NSF: variants seen among roughly 807,000 people sequenced by gnomAD.
NSF encodes the protein N-ethylmaleimide sensitive factor, vesicle fusing ATPase, also known as vesicle-fusing ATPase.
Under a neutral mutation model 50.3 loss-of-function variants are expected in NSF, and 14 were observed. That is an observed-to-expected ratio of 0.28 (90% confidence interval 0.18 to 0.44). The LOEUF is 0.44. NSF is among the 20% of genes least tolerant of loss of function. NSF has a pLI of 1.00. For missense variants in NSF, 218 were observed against 504.3 expected, an observed-to-expected ratio of 0.43 and a Z score of 5.44; for synonymous variants, 109 against 175.7, an observed-to-expected ratio of 0.62 and a Z score of 3.00.
chr17:46,673,910 G>GGTGT lies in NSF; in HGVS notation c.746-463_746-460dup, dbSNP rs61565754. Among the ~76,000 whole-genome samples the GGTGT allele has an allele frequency of 5.7e-4, 4 of 6,984 alleles. 1 individual carries two copies. Among genetic ancestry groups the GGTGT allele is most frequent in the African/African-American group, 1.0e-3 (4 of 3,846 alleles). 4.6% of individuals were successfully genotyped at this position (6,984 alleles called of 152,430 possible). A position where few individuals can be genotyped will look rare whatever the true frequency, so the allele number is the denominator to read the frequency against. On this transcript the variant is annotated intron_variant, in intron 8 of 20. Coordinates refer to ENST00000398238, the MANE Select transcript of NSF (RefSeq NM_006178.4). Reference sequence around the variant, plus strand: ...TTATGGCTGAATAGTATTCCATGGGGGTGTGTGTGTGTGTGTGTGTGTGTG... The same window carrying GGTGT: ...TTATGGCTGAATAGTATTCCATGGGGGTGTGTGTGTGTGTGTGTGTGTGTGTGTG...
At chr17:46,749,745 T>C (rs755469754) in intron 17 of NSF, 28 bp from the exon 18 acceptor site, 1 of 1,601,990 alleles carries the variant, frequency 6.2e-7, no homozygotes, top group African/African-American at 1.3e-5. Flanking sequence ...ATTATGTACA[T>C]TTTAACACAT....
chr17:46,678,404 A>C (rs978367656), intron 9 of NSF, among the ~76,000 whole-genome samples: 4 of 130,754 alleles, frequency 3.1e-5, no homozygotes, highest in Non-Finnish European at 6.5e-5. Context: ...CAGGTTAGAC[A>C]CATCTGAAGA....
At chr17:46,754,268 A>G (rs2059212235) in intron 19 of NSF, among the ~76,000 whole-genome samples, 1 of 149,716 alleles carries the variant, frequency 6.7e-6, no homozygotes, top group Admixed American at 6.7e-5. Flanking sequence ...TTGTAGTCTG[A>G]CCTCTTACCT....
At position 46,655,895 on chromosome 17, in the gene NSF, A is replaced by G. The variant is rs1258448214; in HGVS notation, c.745+12636A>G. On this transcript the variant is annotated intron_variant, in intron 8 of 20. Coordinates refer to ENST00000398238, the MANE Select transcript of NSF (RefSeq NM_006178.4). ...AGATCGAACCCTTTTTTTTCATGTTATCTAGAAATGAATCTTTAAAAAAAA... is the reference window on the plus strand; with the variant it reads ...AGATCGAACCCTTTTTTTTCATGTTGTCTAGAAATGAATCTTTAAAAAAAA... Among the ~76,000 whole-genome samples the G allele has an allele frequency of 3.1e-5, 3 of 98,154 alleles. 1 individual carries two copies. Among genetic ancestry groups the G allele is most frequent in the Non-Finnish European group, 5.8e-5 (3 of 51,992 alleles). The allele number at this position is 98,154 out of a possible 152,430, so 64.4% of individuals were successfully genotyped here. A position where few individuals can be genotyped will look rare whatever the true frequency, so the allele number is the denominator to read the frequency against.
intron 15 of NSF, chr17:46,722,111 G>A (rs1426070299): frequency 6.8e-6 from 11 of 1,611,602 alleles, no homozygotes; most frequent in East Asian, 2.2e-5. Flanking sequence ...GGCCGGACTC[G>A]AACTCGTCCG....
chr17:46,755,919 T>G lies in NSF; in HGVS notation c.*96T>G. ...GTCTTACTCAAGATACTGGACTAAG[T>G]GGAACGTTCTCTACCTTCAACATGT... On this transcript the variant is annotated 3_prime_UTR_variant, in exon 21 of 21. Coordinates refer to ENST00000398238, the MANE Select transcript of NSF (RefSeq NM_006178.4). 8.1e-7 allele frequency: 1 copy of G among 1,233,192 alleles called. No homozygotes were observed. Among genetic ancestry groups the G allele is most frequent in the Non-Finnish European group, 1.2e-6 (1 of 858,670 alleles). 76.4% of individuals were successfully genotyped at this position (1,233,192 alleles called of 1,614,324 possible).
chr17:46,721,439 C>T, intron 15 of NSF: 1 of 608,734 alleles, frequency 1.6e-6, no homozygotes, highest in Non-Finnish European at 2.9e-6. Flanking sequence ...CTCTTTCAGA[C>T]TTCCCTCCTA....
At chr17:46,598,829 C>G (rs2057887785) in intron 1 of NSF, among the ~76,000 whole-genome samples, 1 of 149,906 alleles carries the variant, frequency 6.7e-6, no homozygotes, top group South Asian at 2.2e-4. Flanking sequence ...TGCAGTACTA[C>G]AAATCAAAAC....
intron 9 of NSF, among the ~76,000 whole-genome samples, chr17:46,679,704 A>G: frequency 6.6e-6 from 1 of 151,692 alleles, no homozygotes; most frequent in Admixed American, 6.6e-5. Context: ...AAAAAAAAAA[A>G]AAGAAGCTAA....
intron 18 of NSF, 142 bp from the exon 19 acceptor site, chr17:46,751,361 T>C (rs1487188059): frequency 3.1e-6 from 2 of 654,614 alleles, no homozygotes; most frequent in Non-Finnish European, 5.4e-6. Context: ...AAGGTCAGAC[T>C]GGATTTTAAA....
chr17:46,598,968 A>G (rs2057890205), intron 1 of NSF, among the ~76,000 whole-genome samples: 2 of 129,614 alleles, frequency 1.5e-5, no homozygotes, highest in African/African-American at 6.1e-5. Flanking sequence ...TTTTAAAAGT[A>G]TCTTCAAATG....
chr17:46,609,645 A>G (rs2057987088), intron 1 of NSF, among the ~76,000 whole-genome samples: 1 of 148,504 alleles, frequency 6.7e-6, no homozygotes, highest in East Asian at 1.9e-4. Context: ...TTAAATGAGA[A>G]ACCTCTCAAT....
At chr17:46,679,388 A>G (rs980665182) in intron 9 of NSF, among the ~76,000 whole-genome samples, 2 of 138,084 alleles carry the variant, frequency 1.4e-5, no homozygotes, top group Non-Finnish European at 3.1e-5. Context: ...TGATATGAAT[A>G]TTTTTAAAGG....
chr17:46,728,955 A>G (rs775289653), intron 17 of NSF, 21 bp downstream of exon 17: 8 of 1,412,854 alleles, frequency 5.7e-6, no homozygotes, highest in Middle Eastern at 1.8e-4. Flanking sequence ...ACTACTAATA[A>G]GGAATATTTT....
intron 15 of NSF, among the ~76,000 whole-genome samples, chr17:46,717,404 A>G (rs1286534119): frequency 6.6e-6 from 1 of 152,084 alleles, no homozygotes; most frequent in African/African-American, 2.4e-5. Context: ...GGACAGCACA[A>G]TAAATTAACT....
chr17:46,712,909 C>T (rs1002913041), intron 14 of NSF, among the ~76,000 whole-genome samples: 1 of 152,098 alleles, frequency 6.6e-6, no homozygotes, highest in Non-Finnish European at 1.5e-5. Context: ...ATCAAATGCT[C>T]CTAAGAGGCT....
At chr17:46,750,468 T>A (rs1395793362) in intron 18 of NSF, among the ~76,000 whole-genome samples, 1 of 152,246 alleles carries the variant, frequency 6.6e-6, no homozygotes, top group Non-Finnish European at 1.5e-5. Flanking sequence ...AATGCTTCAG[T>A]GAGCATTTCC....
intron 1 of NSF, among the ~76,000 whole-genome samples, chr17:46,612,302 A>G (rs1013665896): frequency 1.8e-5 from 1 of 57,078 alleles, no homozygotes; most frequent in African/African-American, 8.4e-5. Context: ...ATGTAAAATG[A>G]TGCAGCTACT....
chr17:46,626,028 C>T (rs1171786765), intron 2 of NSF, among the ~76,000 whole-genome samples: 4 of 147,280 alleles, frequency 2.7e-5, no homozygotes, highest in African/African-American at 5.2e-5. Context: ...AATTTCTGAA[C>T]AGGGAATTAG....
Sources: allele counts gnomAD v4.1 joint callset (sites outside exome capture counted in the v4.1 genomes callset), GRCh38; gene constraint gnomAD v4.1.1; transcripts MANE v1.5; gene names NCBI Gene and HGNC (gene_info 2026-07-23, HGNC 2026-07-21).